SEPTIN9: variants seen among roughly 807,000 people sequenced by gnomAD.
SEPTIN9 encodes the protein septin-9.
A neutral mutation model predicts 56.6 loss-of-function variants in SEPTIN9; 13 were observed. The ratio of observed to expected loss-of-function variants is 0.23; its 90% CI spans 0.15 to 0.37. SEPTIN9 has a LOEUF of 0.37. Among genes scored for constraint, SEPTIN9 ranks in the 10% least tolerant of loss-of-function variants. The pLI is 1.00. For missense variants in SEPTIN9, 650 were observed against 823.1 expected, an observed-to-expected ratio of 0.79 and a Z score of 2.57; for synonymous variants, 332 against 334.1, an observed-to-expected ratio of 0.99 and a Z score of 0.07.
At chr17:77,387,663 G>C (rs1222675938) in intron 2 of SEPTIN9, among the ~76,000 whole-genome samples, 3 of 152,102 alleles carry the variant, frequency 2.0e-5, no homozygotes, top group East Asian at 1.9e-4. Context: ...AATGGCGGCT[G>C]CTTCTGAGGA....
chr17:77,328,388 C>T (rs565216675), intron 2 of SEPTIN9, among the ~76,000 whole-genome samples: 1 of 152,342 alleles, frequency 6.6e-6, no homozygotes, highest in African/African-American at 2.4e-5. Context: ...TTGTTTGATA[C>T]GGGGTCTCAC....
chr17:77,299,938 C>A (rs4789435), intron 1 of SEPTIN9, among the ~76,000 whole-genome samples: 68,925 of 152,068 alleles, frequency 0.45, 17,690 homozygotes, highest in East Asian at 0.71. Flanking sequence ...CTCCTCCTAC[C>A]CCAAACAGAG....
intron 3 of SEPTIN9, among the ~76,000 whole-genome samples, chr17:77,452,335 A>G (rs1568079976): frequency 6.6e-6 from 1 of 152,224 alleles, no homozygotes; most frequent in Non-Finnish European, 1.5e-5. Context: ...GCCTCAAAGC[A>G]GGGAGGGGCG....
rs1006889014 is a variant in SEPTIN9, at chr17:77,487,265, T to C, written c.914-159T>C. 6.6e-6 allele frequency among the ~76,000 whole-genome samples: 1 copy of C among 151,950 alleles called. No homozygotes were observed. The highest frequency in any genetic ancestry group is 1.5e-5 in the Non-Finnish European group (1 of 67,944). ...CTGGACACCCGGCTCGAGGGTGAAG[T>C]CCTCGGGGGCTGCTTGGCAGGGATA... On this transcript the variant is annotated intron_variant, in intron 4 of 11. Transcript: ENST00000427177. This position sits in a 1 kb window ranked among gnomAD's most constrained non-coding sequence, Gnocchi z 4.3.
At chr17:77,338,543 C>T (rs1057066186) in intron 2 of SEPTIN9, among the ~76,000 whole-genome samples, 2 of 152,096 alleles carry the variant, frequency 1.3e-5, no homozygotes, top group Admixed American at 6.5e-5. Flanking sequence ...CTCAGCCTCC[C>T]GAGTAGCTGG....
intron 2 of SEPTIN9, among the ~76,000 whole-genome samples, chr17:77,385,068 G>A (rs1477429616): frequency 1.3e-5 from 2 of 151,824 alleles, no homozygotes; most frequent in Non-Finnish European, 2.9e-5. Context: ...TCATGGGCTC[G>A]TGCCCGTAAT....
chr17:77,495,279 G>C (rs930308234), intron 10 of SEPTIN9, among the ~76,000 whole-genome samples: 6 of 152,218 alleles, frequency 3.9e-5, no homozygotes, highest in African/African-American at 1.4e-4. Flanking sequence ...TTGTGAGGTG[G>C]TGGGGCCCAC....
At chr17:77,340,361 G>A (rs1352959546) in intron 2 of SEPTIN9, among the ~76,000 whole-genome samples, 2 of 152,066 alleles carry the variant, frequency 1.3e-5, no homozygotes, top group African/African-American at 4.8e-5. Flanking sequence ...GGCTGGTCTC[G>A]AACTCCTGAC....
rs35634675 is a variant in SEPTIN9, at chr17:77,453,605, CAAAA to C, written c.722-28525_722-28522del. 4.9e-5 allele frequency among the ~76,000 whole-genome samples: 4 copies of C among 81,160 alleles called. No homozygotes were observed. Among genetic ancestry groups the C allele is most frequent in the African/African-American group, 8.5e-5 (2 of 23,516 alleles). The allele number at this position is 81,160 out of a possible 152,430, so 53.2% of individuals were successfully genotyped here. A position where few individuals can be genotyped will look rare whatever the true frequency, so the allele number is the denominator to read the frequency against. On this transcript the variant is annotated intron_variant, in intron 3 of 11. Coordinates refer to ENST00000427177, the MANE Select transcript of SEPTIN9 (RefSeq NM_001113491.2). This position sits in a 1 kb window ranked among gnomAD's most constrained non-coding sequence, Gnocchi z 4.4. ...GGGCAACAAGAGTGAAACTCTGTCT[CAAAA>C]AAAAAAAAAAAAAGCCTTATCTGGG...
In SEPTIN9 at chr17:77,450,935, T is replaced by C; in HGVS notation, c.722-31209T>C. 2.4e-6 allele frequency: 1 copy of C among 424,230 alleles called. No individual in the cohort carries two copies. Among genetic ancestry groups the C allele is most frequent in the Non-Finnish European group, 3.2e-6 (1 of 317,086 alleles). The allele number at this position is 424,230 out of a possible 1,614,324, so 26.3% of individuals were successfully genotyped here. On this transcript the variant is annotated intron_variant, in intron 3 of 11. Transcript: ENST00000427177. This position sits in a 1 kb window ranked among gnomAD's most constrained non-coding sequence, Gnocchi z 6.0. ...GGTCTGAATGGCTTTCTGGGGTGGC[T>C]GGCCATGCTCCCTGAGAGCCCAGCT... is the stretch of plus-strand genomic sequence containing the variant.
In SEPTIN9 at chr17:77,482,165, G is replaced by A. The variant is rs750990524; in HGVS notation, c.743G>A (p.Cys248Tyr). 6.3e-7 allele frequency: 1 copy of A among 1,591,108 alleles called. No homozygotes were observed. The highest frequency in any genetic ancestry group is 1.1e-5 in the South Asian group (1 of 88,664). The change falls in exon 4 of 12, where the codon TGC (cysteine) becomes TAC (tyrosine). Residue 248 changes from cysteine (C) to tyrosine (Y), a missense_variant. Physicochemically the swap from Cys to Tyr is radical, Grantham distance 194. Transcript: ENST00000427177. ...CCAGCCACTGAGGCGGCTCCCAGCT[G>A]CGTTGGCGACATGGCCGACACCCCC... ...SQEATEAAPSCVGDMADTPRD... is the reference protein window; with the variant it reads ...SQEATEAAPSYVGDMADTPRD...
At chr17:77,350,057 G>A (rs535230923) in intron 2 of SEPTIN9, among the ~76,000 whole-genome samples, 113 of 152,352 alleles carry the variant, frequency 7.4e-4, no homozygotes, top group African/African-American at 2.4e-3. Context: ...CCAGCTGGCC[G>A]AATGTGGGGT....
chr17:77,311,073 T>G (rs964862997), intron 2 of SEPTIN9, among the ~76,000 whole-genome samples: 1 of 152,066 alleles, frequency 6.6e-6, no homozygotes, highest in African/African-American at 2.4e-5. Context: ...CATTCTGGAT[T>G]AGGGTGGGCC....
At chr17:77,357,682 A>G (rs974290654) in intron 2 of SEPTIN9, among the ~76,000 whole-genome samples, 1 of 152,012 alleles carries the variant, frequency 6.6e-6, no homozygotes, top group Non-Finnish European at 1.5e-5. Context: ...TGGTGCAGTC[A>G]TAGCACACTG....
At chr17:77,459,953 G>A (rs187220828) in intron 3 of SEPTIN9, among the ~76,000 whole-genome samples, 2 of 152,196 alleles carry the variant, frequency 1.3e-5, no homozygotes, top group East Asian at 3.9e-4. Flanking sequence ...TGGGATTACA[G>A]GTGTGAGCCA....
At chr17:77,348,351 T>G (rs1406928761) in intron 2 of SEPTIN9, among the ~76,000 whole-genome samples, 2 of 140,312 alleles carry the variant, frequency 1.4e-5, no homozygotes, top group Non-Finnish European at 3.0e-5. Flanking sequence ...CAGGCTGGAG[T>G]GCAATAGCAT....
chr17:77,311,030 A>G lies in SEPTIN9; in HGVS notation c.76+3833A>G, dbSNP rs546821161. Among the ~76,000 whole-genome samples the G allele has an allele frequency of 1.2e-3, 176 of 152,240 alleles. 1 individual carries two copies. Among genetic ancestry groups the G allele is most frequent in the African/African-American group, 4.1e-3 (169 of 41,548 alleles). ...TGGGAGTTGGAGATGGGGTCTTTGC[A>G]GATGTAAGTAGTTAAGGATCTTGAG... On this transcript the variant is annotated intron_variant, in intron 2 of 11. Transcript: ENST00000427177.
rs1481613679 is a variant in SEPTIN9, at chr17:77,435,469, G to A, written c.721+32766G>A. ...CTGCCAGCCTGTGCTCAGGCAGGGG[G>A]AGAAGTAGAGCAACCATGCCGGGCG... On this transcript the variant is annotated intron_variant, in intron 3 of 11. Transcript: ENST00000427177. This position sits in a 1 kb window ranked among gnomAD's most constrained non-coding sequence, Gnocchi z 4.5. Among the ~76,000 whole-genome samples, 4 of 152,200 alleles carry A rather than the reference G, an allele frequency of 2.6e-5. No individual in the cohort carries two copies. Among genetic ancestry groups the A allele is most frequent in the African/African-American group, 4.8e-5 (2 of 41,458 alleles).
At position 77,436,824 on chromosome 17, in the gene SEPTIN9, G is replaced by C. The variant is rs2037358692; in HGVS notation, c.721+34121G>C. On this transcript the variant is annotated intron_variant, in intron 3 of 11. Coordinates refer to ENST00000427177, the MANE Select transcript of SEPTIN9 (RefSeq NM_001113491.2). The surrounding 1 kb of genome is among the most constrained non-coding windows in gnomAD (Gnocchi z 4.4). ...CCCTGGTAAGGACACCCAGGAGAGG[G>C]CCAGGGTGCCTGTATTTGGGGCACA... Among the ~76,000 whole-genome samples the C allele has an allele frequency of 6.6e-6, 1 of 152,226 alleles. No individual in the cohort carries two copies. The highest frequency in any genetic ancestry group is 1.9e-4 in the East Asian group (1 of 5,194).
Sources: allele counts gnomAD v4.1 joint callset (sites outside exome capture counted in the v4.1 genomes callset), GRCh38; gene constraint gnomAD v4.1.1; non-coding constraint Gnocchi (gnomAD v3.1); transcripts MANE v1.5; gene names NCBI Gene and HGNC (gene_info 2026-07-23, HGNC 2026-07-21).